The following TNS3 variants were observed in gnomAD, a reference collection of about 807,000 sequenced individuals.
The protein encoded by TNS3 is tensin 3, also known as tensin-3.
TNS3 carries 45 observed loss-of-function variants against 140.9 expected under a neutral mutation model. That is an observed-to-expected ratio of 0.32 (90% CI 0.25 to 0.41). The LOEUF (loss-of-function observed/expected upper bound fraction) is 0.41, where lower values mean the gene tolerates loss of function less well. Among genes scored for constraint, TNS3 ranks in the 10% least tolerant of loss-of-function variants. TNS3 has a pLI of 1.00. For synonymous variants in TNS3, 815 were observed against 788.4 expected (o/e 1.03, Z -0.56); for missense variants, 1,716 against 1,906.7 (o/e 0.90, Z 1.86).
chr7:47,336,140 C>T (rs1788617461), intron 20 of TNS3, among the ~76,000 whole-genome samples: 1 of 150,246 alleles, frequency 6.7e-6, no homozygotes, highest in East Asian at 2.0e-4. Flanking sequence ...TCTCTTTGGT[C>T]ACTTCAGCCT....
intron 4 of TNS3, among the ~76,000 whole-genome samples, chr7:47,464,259 G>T (rs1796609448): frequency 6.6e-6 from 1 of 152,180 alleles, no homozygotes; most frequent in South Asian, 2.1e-4. Context: ...CATTTTCTAG[G>T]CAAACACACT....
At chr7:47,558,154 A>G (rs1487551092) in intron 1 of TNS3, among the ~76,000 whole-genome samples, 1 of 152,110 alleles carries the variant, frequency 6.6e-6, no homozygotes, top group Non-Finnish European at 1.5e-5. Context: ...GGCAAGAATG[A>G]GGGAGCCCGA....
Position 47,277,535 on chromosome 7 carries a change from C to T in TNS3, c.*541G>A, listed in dbSNP as rs1784920358. ...TAGGCCCTGCTGTGTTCCAGAAGGG[C>T]CTGACTTGCACAAACCTTCGTCAAA... On this transcript the variant is annotated 3_prime_UTR_variant, in exon 31 of 31. Transcript: ENST00000311160. The T allele has an allele frequency of 5.2e-6, 1 of 193,682 alleles. No individual in the cohort carries two copies. Among genetic ancestry groups the T allele is most frequent in the South Asian group, 1.0e-4 (1 of 9,528 alleles). The allele number at this position is 193,682 out of a possible 1,614,324, so 12.0% of individuals were successfully genotyped here. A position where few individuals can be genotyped will look rare whatever the true frequency, so the allele number is the denominator to read the frequency against.
intron 1 of TNS3, among the ~76,000 whole-genome samples, chr7:47,554,044 A>G (rs1800129624): frequency 6.7e-6 from 1 of 149,818 alleles, no homozygotes; most frequent in Non-Finnish European, 1.5e-5. Context: ...ACCTCAGGTG[A>G]TCCGCCCACC....
At chr7:47,551,416 G>A (rs915963962) in intron 1 of TNS3, among the ~76,000 whole-genome samples, 1 of 152,196 alleles carries the variant, frequency 6.6e-6, no homozygotes, top group Non-Finnish European at 1.5e-5. Context: ...GGTGGGTGAG[G>A]GCACAAAACG....
intron 2 of TNS3, among the ~76,000 whole-genome samples, chr7:47,521,176 C>A (rs1417801452): frequency 1.3e-5 from 2 of 152,160 alleles, no homozygotes; most frequent in East Asian, 3.9e-4. Flanking sequence ...ATCGTCCTGA[C>A]AATGCCCACA....
chr7:47,538,966 C>T (rs971892030), intron 1 of TNS3: 28 of 452,078 alleles, frequency 6.2e-5, no homozygotes, highest in Admixed American at 5.2e-4. Flanking sequence ...TGACACAATA[C>T]CAGGTACATA....
At position 47,275,663 on chromosome 7, in the gene TNS3, G is replaced by C. The variant is rs1784841178; in HGVS notation, c.*2413C>G. On this transcript the variant is annotated 3_prime_UTR_variant, in exon 31 of 31. Transcript: ENST00000311160. ...GCACATGTAACACAAAAGGAAGAAA[G>C]AAACTTCCTATACCAGCTCTTCAGA... 2.6e-6 allele frequency: 1 copy of C among 383,894 alleles called. No homozygotes were observed. The highest frequency in any genetic ancestry group is 1.9e-5 in the South Asian group (1 of 51,734). 23.8% of individuals were successfully genotyped at this position (383,894 alleles called of 1,614,324 possible). A position where few individuals can be genotyped will look rare whatever the true frequency, so the allele number is the denominator to read the frequency against.
At chr7:47,493,528 C>A (rs1255211446) in intron 3 of TNS3, among the ~76,000 whole-genome samples, 1 of 151,934 alleles carries the variant, frequency 6.6e-6, no homozygotes, top group African/African-American at 2.4e-5. Flanking sequence ...CTAAAGAAGG[C>A]TGACAAGAGG....
chr7:47,537,966 A>ACCCCCCC (rs113842617), intron 1 of TNS3, among the ~76,000 whole-genome samples: 3 of 126,226 alleles, frequency 2.4e-5, no homozygotes, highest in Admixed American at 8.2e-5. Context: ...CCCTCACCGC[A>ACCCCCCC]CCCCCCCCAC....
intron 4 of TNS3, among the ~76,000 whole-genome samples, chr7:47,460,318 A>G (rs970405063): frequency 2.6e-5 from 4 of 152,006 alleles, no homozygotes; most frequent in African/African-American, 9.7e-5. Context: ...CTACAAGCCA[A>G]TGAGAAAGCC....
intron 16 of TNS3, among the ~76,000 whole-genome samples, chr7:47,387,963 C>T (rs1354485701): frequency 6.6e-6 from 1 of 152,248 alleles, no homozygotes; most frequent in Admixed American, 6.5e-5. Context: ...CGACTTGGCA[C>T]AAGTGCAATT....
intron 1 of TNS3, among the ~76,000 whole-genome samples, chr7:47,564,650 C>CA (rs397961987): frequency 0.052 from 5,130 of 99,096 alleles, 436 homozygotes; most frequent in African/African-American, 0.18. Flanking sequence ...AAAAAAAAAA[C>CA]AAAAAAAAAC....
At chr7:47,474,145 C>CACACACACACACACA (rs1554336730) in intron 4 of TNS3, among the ~76,000 whole-genome samples, 1 of 137,276 alleles carries the variant, frequency 7.3e-6, no homozygotes, top group African/African-American at 2.7e-5. Context: ...CACACACACA[C>CACACACACACACACA]AACACACATA....
intron 1 of TNS3, among the ~76,000 whole-genome samples, chr7:47,545,844 C>T (rs1205744917): frequency 6.6e-6 from 1 of 152,214 alleles, no homozygotes; most frequent in Non-Finnish European, 1.5e-5. Context: ...GCCAACACTG[C>T]TCCTCAAATC....
intron 13 of TNS3, chr7:47,405,456 C>G: frequency 1.4e-6 from 1 of 700,970 alleles, no homozygotes; most frequent in South Asian, 1.5e-5. Context: ...ATAGCTAAGC[C>G]CCATAGGTCA....
chr7:47,300,422 C>T (rs751868866), intron 23 of TNS3, among the ~76,000 whole-genome samples: 1 of 152,192 alleles, frequency 6.6e-6, no homozygotes, highest in Non-Finnish European at 1.5e-5. Flanking sequence ...AACAGCAGCC[C>T]CTACACATAC....
intron 2 of TNS3, among the ~76,000 whole-genome samples, chr7:47,513,064 G>C (rs75331490): frequency 0.012 from 1,785 of 152,204 alleles, 19 homozygotes; most frequent in African/African-American, 0.021. Flanking sequence ...ATTAGAAATT[G>C]GCAAAAGTTC....
At chr7:47,348,587 C>CATTTGCATATCAAAAGTAT (rs1195204102) in intron 17 of TNS3, among the ~76,000 whole-genome samples, 1 of 152,180 alleles carries the variant, frequency 6.6e-6, no homozygotes. Context: ...TGCAAATCAC[C>CATTTGCATATCAAAAGTAT]GATTTGAGCA....
Sources: gnomAD v4.1 joint callset for allele counts (sites outside exome capture counted in the v4.1 genomes callset) on GRCh38, gnomAD v4.1.1 for gene constraint, MANE v1.5 for transcripts, NCBI Gene and HGNC (gene_info 2026-07-23, HGNC 2026-07-21) for gene names.